NTM: variants seen among roughly 807,000 people sequenced by gnomAD.
The protein encoded by NTM is IgLON family member 2.
In NTM, 13 loss-of-function variants were observed where a neutral mutation model predicts 42.1. That is an observed-to-expected ratio of 0.31 (90% CI 0.20 to 0.49). NTM has a LOEUF of 0.49. Ranked by LOEUF, NTM falls within the 20% of genes least tolerant of loss-of-function variation. The pLI, the probability that NTM is intolerant of heterozygous loss-of-function variation, is 0.99. For synonymous variants in NTM, 187 were observed against 179.2 expected, an observed-to-expected ratio of 1.04 and a Z score of -0.35; for missense variants, 373 against 452.8, an observed-to-expected ratio of 0.82 and a Z score of 1.60.
chr11:132,170,457 T>A (rs2075961939), intron 3 of NTM, among the ~76,000 whole-genome samples: 1 of 152,218 alleles, frequency 6.6e-6, no homozygotes. Flanking sequence ...TATACACCTC[T>A]CTCCCTCTAA....
rs555892937 is a variant in NTM at position 131,413,630 on chromosome 11, G to A, written c.82+42742G>A. ...ATATCACAGTCTGAGAGAACCAGTC[G>A]TCTGATTAAATTAAGGCAGGCACAC... On this transcript the variant is annotated intron_variant, in intron 1 of 8. Transcript: ENST00000683400. Among the ~76,000 whole-genome samples the A allele has an allele frequency of 1.8e-4, 28 of 152,308 alleles. No homozygotes were observed. The South Asian group carries it at 4.3e-3, about 24-fold the overall frequency.
At position 131,789,429 on chromosome 11, in the gene NTM, G is replaced by GAAGAA. The variant is rs1555127048; in HGVS notation, c.83-122135_83-122134insAAGAA. On this transcript the variant is annotated intron_variant, in intron 1 of 8. Coordinates refer to ENST00000683400, the MANE Select transcript of NTM (RefSeq NM_001352005.2). ...TGCAGTTAAAAGAAAAAAAGAAGAAGGAAGAAGAAGAAGAAGAAGAAGAAG... is the reference window on the plus strand; with the variant it reads ...TGCAGTTAAAAGAAAAAAAGAAGAAGAAGAAGAAGAAGAAGAAGAAGAAGAAGAAG... Among the ~76,000 whole-genome samples, 19 of 11,964 alleles carry GAAGAA rather than the reference G, an allele frequency of 1.6e-3. 5 individuals carry two copies. The highest frequency in any genetic ancestry group is 4.7e-3 in the African/African-American group (9 of 1,924). 7.8% of individuals were successfully genotyped at this position (11,964 alleles called of 152,430 possible).
intron 2 of NTM, among the ~76,000 whole-genome samples, chr11:131,992,455 C>G (rs528524427): frequency 6.6e-6 from 1 of 151,432 alleles, no homozygotes; most frequent in Non-Finnish European, 1.5e-5. Context: ...CCACATTGTT[C>G]GAAGTTCAGC....
At chr11:131,794,411 A>G (rs1040439930) in intron 1 of NTM, 30 of 876,366 alleles carry the variant, frequency 3.4e-5, no homozygotes, top group Admixed American at 2.5e-4. Context: ...TTCCATCTAC[A>G]TGCTCCGTAG....
chr11:131,399,575 G>A (rs1016213749), intron 1 of NTM, among the ~76,000 whole-genome samples: 1 of 152,152 alleles, frequency 6.6e-6, no homozygotes, highest in African/African-American at 2.4e-5. Flanking sequence ...ATAGGGTGGG[G>A]CTTTGAGTCC....
chr11:132,248,188 G>A (rs923576948), intron 4 of NTM, among the ~76,000 whole-genome samples: 10 of 152,194 alleles, frequency 6.6e-5, no homozygotes, highest in African/African-American at 2.4e-4. Context: ...CAGGGAGGGA[G>A]AGACAGGGGA....
chr11:131,397,233 C>A (rs186502508), intron 1 of NTM, among the ~76,000 whole-genome samples: 22 of 152,222 alleles, frequency 1.4e-4, no homozygotes, highest in African/African-American at 4.8e-4. Flanking sequence ...TCATGTTAGG[C>A]CTTTGGAACC....
intron 2 of NTM, among the ~76,000 whole-genome samples, chr11:132,112,715 A>G (rs1397316513): frequency 8.9e-6 from 1 of 112,860 alleles, no homozygotes; most frequent in African/African-American, 4.0e-5. Context: ...GGGACTGCAC[A>G]CTTACACACA....
chr11:132,263,187 C>T (rs1394930651), intron 4 of NTM, among the ~76,000 whole-genome samples: 6 of 152,182 alleles, frequency 3.9e-5, no homozygotes, highest in Admixed American at 3.9e-4. Flanking sequence ...AGCTCCATGG[C>T]CTTGGGCAGC....
chr11:131,902,395 T>C (rs1369325238), intron 1 of NTM, among the ~76,000 whole-genome samples: 1 of 152,200 alleles, frequency 6.6e-6, no homozygotes, highest in East Asian at 1.9e-4. Flanking sequence ...CCCTCCCTAC[T>C]ACCATTCCTG....
chr11:131,853,490 G>A (rs1045549839), intron 1 of NTM, among the ~76,000 whole-genome samples: 5 of 152,134 alleles, frequency 3.3e-5, no homozygotes, highest in East Asian at 1.9e-4. Flanking sequence ...GAGAGCATGC[G>A]GTATTTGGTT....
intron 1 of NTM, among the ~76,000 whole-genome samples, chr11:131,518,852 G>C (rs991673119): frequency 6.6e-6 from 1 of 152,158 alleles, no homozygotes; most frequent in Non-Finnish European, 1.5e-5. Flanking sequence ...ATATATGGCT[G>C]TTTCCATAGA....
At chr11:131,392,410 T>C (rs943499818) in intron 1 of NTM, among the ~76,000 whole-genome samples, 1 of 151,648 alleles carries the variant, frequency 6.6e-6, no homozygotes, top group African/African-American at 2.4e-5. Flanking sequence ...ATAGAGCCCC[T>C]GAAGGGATGG....
At position 131,665,412 on chromosome 11, in the gene NTM, T is replaced by C. The variant is rs183368641; in HGVS notation, c.83-246152T>C. Among the ~76,000 whole-genome samples, 384 of 152,332 alleles carry C rather than the reference T, an allele frequency of 2.5e-3. 5 individuals are homozygous for C. The highest frequency in any genetic ancestry group is 0.02 in the Admixed American group (309 of 15,304). On this transcript the variant is annotated intron_variant, in intron 1 of 8. Coordinates refer to ENST00000683400, the MANE Select transcript of NTM (RefSeq NM_001352005.2). Reference sequence around the variant, plus strand: ...TTCCAAAATTTACATGTTGAAGTCCTGACCTCCAGTAATTCAGAAGGTGAC... The same window carrying C: ...TTCCAAAATTTACATGTTGAAGTCCCGACCTCCAGTAATTCAGAAGGTGAC...
At position 131,756,682 on chromosome 11, in the gene NTM, C is replaced by T. The variant is rs116388338; in HGVS notation, c.83-154882C>T. Among the ~76,000 whole-genome samples, 655 of 151,664 alleles carry T rather than the reference C, an allele frequency of 4.3e-3. 6 individuals are homozygous for T. The highest frequency in any genetic ancestry group is 0.015 in the African/African-American group (620 of 41,430). On this transcript the variant is annotated intron_variant, in intron 1 of 8. Coordinates refer to ENST00000683400, the MANE Select transcript of NTM (RefSeq NM_001352005.2). ...CAACTTGGGTGGTGACAGAGCAAGA[C>T]CTCTGTCTCACACACAAAAAATTGC...
chr11:132,267,846 A>AC, intron 4 of NTM, among the ~76,000 whole-genome samples: 1 of 152,086 alleles, frequency 6.6e-6, no homozygotes, highest in East Asian at 1.9e-4. Flanking sequence ...CATCTCAAAA[A>AC]AAAAAAAACA....
intron 1 of NTM, among the ~76,000 whole-genome samples, chr11:131,464,361 G>C (rs532708183): frequency 1.0e-4 from 10 of 95,724 alleles, no homozygotes; most frequent in Admixed American, 2.8e-4. Flanking sequence ...GGGAAAGCTG[G>C]GGGGGGGGCA....
chr11:131,382,766 C>A (rs1287060945), intron 1 of NTM, among the ~76,000 whole-genome samples: 1 of 152,180 alleles, frequency 6.6e-6, no homozygotes, highest in Non-Finnish European at 1.5e-5. Context: ...GAAACATGAC[C>A]AGTTTGATAA....
At chr11:131,511,777 G>A (rs926607972) in intron 1 of NTM, among the ~76,000 whole-genome samples, 1 of 152,000 alleles carries the variant, frequency 6.6e-6, no homozygotes, top group Non-Finnish European at 1.5e-5. Context: ...AGTTCCATTC[G>A]GACCCCAGAA....
Sources: allele counts gnomAD v4.1 joint callset (sites outside exome capture counted in the v4.1 genomes callset), GRCh38; gene constraint gnomAD v4.1.1; transcripts MANE v1.5; gene names NCBI Gene and HGNC (gene_info 2026-07-23, HGNC 2026-07-21).